RAD54B: variants seen among roughly 807,000 people sequenced by gnomAD.
RAD54B encodes the protein DNA repair and recombination protein RAD54B.
A neutral mutation model predicts 95.8 loss-of-function variants in RAD54B; 78 were observed. That is an observed-to-expected ratio of 0.81 (90% CI 0.68 to 0.98). RAD54B has a LOEUF of 0.98. Among genes scored for constraint, RAD54B ranks in the 50% least tolerant of loss-of-function variants. RAD54B has a pLI of 0.00. For missense variants in RAD54B, 957 were observed against 1,056.6 expected (o/e 0.91, Z 1.31); for synonymous variants, 328 against 354.9 (o/e 0.92, Z 0.85).
At position 94,391,720 on chromosome 8, in the gene RAD54B, C is replaced by T; in HGVS notation, c.1698G>A (p.Gln566=). Residue 566 remains glutamine, a synonymous_variant, in exon 10 of 15, where the codon CAG becomes CAA. Transcript: ENST00000336148. ...ACCCTTGAAGGCAGAACCTGACAAC[C>T]TGAGAATTTAACAGCTTTCGATAAA... The part of the protein sequence containing the change: ...IELYRKLLNS[Q]VVRFCLQGLL... The T allele has an allele frequency of 6.2e-7, 1 of 1,614,002 alleles. No individual in the cohort carries two copies. Among genetic ancestry groups the T allele is most frequent in the East Asian group, 2.2e-5 (1 of 44,862 alleles).
intron 3 of RAD54B, among the ~76,000 whole-genome samples, chr8:94,447,827 C>T (rs76226277): frequency 0.035 from 5,393 of 152,244 alleles, 145 homozygotes; most frequent in Non-Finnish European, 0.054. Context: ...TCTAAGAATG[C>T]AACCCATCCT....
At chr8:94,461,542 A>G (rs531252096) in intron 2 of RAD54B, among the ~76,000 whole-genome samples, 4 of 152,114 alleles carry the variant, frequency 2.6e-5, no homozygotes, top group African/African-American at 7.2e-5. Flanking sequence ...AATTTTTTTT[A>G]TATTTTTTAT....
At chr8:94,427,002 T>C (rs777884996) in intron 3 of RAD54B, among the ~76,000 whole-genome samples, 21 of 152,166 alleles carry the variant, frequency 1.4e-4, no homozygotes, top group Non-Finnish European at 1.8e-4. Context: ...TGAAGCCAAG[T>C]ATAGCAAAAC....
At chr8:94,458,572 A>G in intron 2 of RAD54B, 136 bp from the exon 3 acceptor site, 1 of 645,342 alleles carries the variant, frequency 1.5e-6, no homozygotes, top group Non-Finnish European at 2.4e-6. Context: ...ATATTTAAAA[A>G]TAAATTAATA....
At chr8:94,420,598 CAT>C (rs1045781135) in intron 3 of RAD54B, among the ~76,000 whole-genome samples, 15 of 152,000 alleles carry the variant, frequency 9.9e-5, no homozygotes, top group African/African-American at 3.4e-4. Context: ...GGGGAAAAAA[CAT>C]AGCATGGAAA....
chr8:94,462,158 T>A (rs776535542), intron 2 of RAD54B, among the ~76,000 whole-genome samples: 1 of 152,204 alleles, frequency 6.6e-6, no homozygotes, highest in South Asian at 2.1e-4. Context: ...GGGGCAAGAA[T>A]ACAACAGTTC....
chr8:94,395,372 A>G (rs1460083259), intron 8 of RAD54B, among the ~76,000 whole-genome samples: 1 of 152,166 alleles, frequency 6.6e-6, no homozygotes, highest in Admixed American at 6.5e-5. Context: ...GCTTGAGCTA[A>G]ATTACAGGGA....
chr8:94,452,598 C>T (rs1187943380), intron 3 of RAD54B, among the ~76,000 whole-genome samples: 1 of 152,102 alleles, frequency 6.6e-6, no homozygotes, highest in Non-Finnish European at 1.5e-5. Context: ...CCTGGGTTCA[C>T]ACCATTATCC....
chr8:94,407,834 A>C (rs1054951322), intron 4 of RAD54B, 114 bp from the exon 5 acceptor site: 2 of 718,682 alleles, frequency 2.8e-6, no homozygotes, highest in Non-Finnish European at 4.3e-6. Context: ...ATAATGCATT[A>C]GCCAAAATGG....
chr8:94,372,662 A>C (rs1474213714), intron 14 of RAD54B, among the ~76,000 whole-genome samples: 1 of 152,176 alleles, frequency 6.6e-6, no homozygotes, highest in Non-Finnish European at 1.5e-5. Flanking sequence ...TAAATAAATA[A>C]TCATCTGAAA....
chr8:94,373,925 A>G (rs1810501793), intron 14 of RAD54B, among the ~76,000 whole-genome samples: 1 of 152,254 alleles, frequency 6.6e-6, no homozygotes, highest in Admixed American at 6.5e-5. Context: ...GAAAAGCCTC[A>G]AGTCATTCCT....
At chr8:94,380,621 CCTT>C (rs1303287347) in intron 11 of RAD54B, among the ~76,000 whole-genome samples, 14 of 152,178 alleles carry the variant, frequency 9.2e-5, no homozygotes, top group African/African-American at 3.4e-4. Flanking sequence ...GACCTTTCTG[CCTT>C]CTTCATCTCT....
chr8:94,442,497 C>A (rs551433407), intron 3 of RAD54B, among the ~76,000 whole-genome samples: 58 of 151,638 alleles, frequency 3.8e-4, no homozygotes, highest in Non-Finnish European at 7.4e-4. Context: ...ATGGCGTGAA[C>A]CCGGGAGGCG....
At chr8:94,405,784 T>A (rs1811372529) in intron 5 of RAD54B, among the ~76,000 whole-genome samples, 1 of 152,162 alleles carries the variant, frequency 6.6e-6, no homozygotes, top group Admixed American at 6.5e-5. Flanking sequence ...ATAAATCACC[T>A]AATAAAAGGC....
At chr8:94,394,516 T>G (rs1165911498) in intron 8 of RAD54B, among the ~76,000 whole-genome samples, 1 of 152,134 alleles carries the variant, frequency 6.6e-6, no homozygotes, top group Admixed American at 6.6e-5. Flanking sequence ...TGACACTCAG[T>G]AGACACTCAT....
rs752705516 is a variant in RAD54B, at chr8:94,391,780, A to G, written c.1638T>C (p.Val546=). Reference sequence around the variant, plus strand: ...GTAGTGCTCCTGGTCGGCAAAAGACAACATTCTCTATTTTAGGTGGGAGAT... The same window carrying G: ...GTAGTGCTCCTGGTCGGCAAAAGACGACATTCTCTATTTTAGGTGGGAGAT... ...NKYLPPKIEN[V]VFCRPGALQI... Residue 546 remains valine, a synonymous_variant, in exon 10 of 15, where the codon GTT becomes GTC. Transcript: ENST00000336148. 2 of 1,614,094 alleles carry G rather than the reference A, an allele frequency of 1.2e-6. No individual in the cohort carries two copies. The highest frequency in any genetic ancestry group is 2.2e-5 in the South Asian group (2 of 91,072).
Position 94,371,981 on chromosome 8 carries a change from T to C in RAD54B, c.*189A>G. ...ATTATACAATGATATAAGCACATCTTTATTTTTCATTTAAACACTTAATAT... is the reference window on the plus strand; with the variant it reads ...ATTATACAATGATATAAGCACATCTCTATTTTTCATTTAAACACTTAATAT... On this transcript the variant is annotated 3_prime_UTR_variant, in exon 15 of 15. Coordinates refer to ENST00000336148, the MANE Select transcript of RAD54B (RefSeq NM_012415.3). 1.0e-6 allele frequency: 1 copy of C among 996,922 alleles called. No homozygotes were observed. The highest frequency in any genetic ancestry group is 1.3e-6 in the Non-Finnish European group (1 of 741,812). 61.8% of individuals were successfully genotyped at this position (996,922 alleles called of 1,614,324 possible).
intron 3 of RAD54B, chr8:94,431,016 C>T (rs1047244952): frequency 3.0e-6 from 3 of 985,228 alleles, no homozygotes; most frequent in South Asian, 4.7e-5. Flanking sequence ...GTCCCCTTCA[C>T]TGCTGAAATT....
intron 2 of RAD54B, among the ~76,000 whole-genome samples, chr8:94,466,145 G>T (rs1300805750): frequency 6.6e-6 from 1 of 152,044 alleles, no homozygotes; most frequent in African/African-American, 2.4e-5. Flanking sequence ...ACTTAAAAAT[G>T]GTAATGTGGC....
Sources: allele counts gnomAD v4.1 joint callset (sites outside exome capture counted in the v4.1 genomes callset), GRCh38; gene constraint gnomAD v4.1.1; transcripts MANE v1.5; gene names NCBI Gene and HGNC (gene_info 2026-07-23, HGNC 2026-07-21).